Variants in ITPR2 observed in about 807,000 individuals in gnomAD.
ITPR2 encodes the protein inositol 1,4,5-trisphosphate receptor type 2.
Under a neutral mutation model 317.1 loss-of-function variants are expected in ITPR2, and 207 were observed. The observed-to-expected ratio is 0.65, with a 90% CI of 0.58 to 0.73. ITPR2 has a LOEUF of 0.73. Ranked by LOEUF, ITPR2 falls within the 30% of genes least tolerant of loss-of-function variation. ITPR2 has a pLI of 0.00. For synonymous variants in ITPR2, 1,156 were observed against 1,149.1 expected (o/e 1.01, Z -0.12); for missense variants, 2,613 against 3,284.0 (o/e 0.80, Z 4.99).
chr12:26,790,132 T>C (rs770317895), intron 2 of ITPR2, 25 bp downstream of exon 2: 4 of 1,523,516 alleles, frequency 2.6e-6, no homozygotes, highest in Non-Finnish European at 3.6e-6. Flanking sequence ...GCTCACACAA[T>C]TAAAAAAATA....
chr12:26,664,482 T>C (rs77467573), intron 14 of ITPR2, among the ~76,000 whole-genome samples: 1 of 152,200 alleles, frequency 6.6e-6, no homozygotes. Context: ...TTAAAAAGCA[T>C]TGAGGAATAT....
At chr12:26,428,414 C>T (rs1156727688) in intron 48 of ITPR2, among the ~76,000 whole-genome samples, 1 of 152,046 alleles carries the variant, frequency 6.6e-6, no homozygotes, top group African/African-American at 2.4e-5. Context: ...CTCTCGGGAA[C>T]CTTAATCCAA....
chr12:26,790,574 T>C (rs1290887632), intron 1 of ITPR2, among the ~76,000 whole-genome samples: 1 of 113,546 alleles, frequency 8.8e-6, no homozygotes. Context: ...ATCAATAAGA[T>C]ACATATATGC....
At chr12:26,461,248 T>A (rs1489821427) in intron 45 of ITPR2, among the ~76,000 whole-genome samples, 1 of 152,122 alleles carries the variant, frequency 6.6e-6, no homozygotes. Context: ...TGAAAAATAT[T>A]TAAAAATAAA....
intron 52 of ITPR2, among the ~76,000 whole-genome samples, chr12:26,402,873 C>T (rs918378532): frequency 1.3e-5 from 2 of 152,194 alleles, no homozygotes; most frequent in Non-Finnish European, 2.9e-5. Context: ...GCCCATGCCA[C>T]ACCTGCCTCC....
intron 10 of ITPR2, among the ~76,000 whole-genome samples, chr12:26,690,417 T>C (rs1948214751): frequency 1.3e-5 from 2 of 152,194 alleles, no homozygotes; most frequent in Non-Finnish European, 2.9e-5. Flanking sequence ...TGTCATCTAA[T>C]TTCCTGAGTC....
At chr12:26,382,373 T>G (rs1939533903) in intron 55 of ITPR2, among the ~76,000 whole-genome samples, 1 of 152,138 alleles carries the variant, frequency 6.6e-6, no homozygotes, top group Non-Finnish European at 1.5e-5. Flanking sequence ...GGTTTAGAAT[T>G]TGAAGGTAAG....
intron 1 of ITPR2, among the ~76,000 whole-genome samples, chr12:26,811,773 G>T (rs199528310): frequency 6.9e-6 from 1 of 145,716 alleles, no homozygotes; most frequent in African/African-American, 2.6e-5. Flanking sequence ...AGAATGGCGC[G>T]AACCCCGGAG....
At chr12:26,574,181 T>C (rs867468085) in intron 34 of ITPR2, among the ~76,000 whole-genome samples, 105 of 151,430 alleles carry the variant, frequency 6.9e-4, no homozygotes, top group African/African-American at 2.3e-3. Flanking sequence ...GCAGCTGCCA[T>C]ATATGAGTTA....
chr12:26,402,471 T>C (rs1254659271), intron 52 of ITPR2, among the ~76,000 whole-genome samples: 1 of 152,170 alleles, frequency 6.6e-6, no homozygotes, highest in African/African-American at 2.4e-5. Flanking sequence ...CTCCGAGAAT[T>C]TAGAAATAAG....
At chr12:26,773,990 T>C in intron 2 of ITPR2, among the ~76,000 whole-genome samples, 1 of 139,302 alleles carries the variant, frequency 7.2e-6, no homozygotes, top group South Asian at 2.3e-4. Flanking sequence ...AATTTTTTTT[T>C]TTTTTTTTTT....
chr12:26,663,629 G>A, intron 15 of ITPR2, 56 bp downstream of exon 15: 1 of 1,452,158 alleles, frequency 6.9e-7, no homozygotes, highest in Non-Finnish European at 9.2e-7. Flanking sequence ...TATAACCAAA[G>A]AACCTTGCCC....
At position 26,463,388 on chromosome 12, in the gene ITPR2, C is replaced by T. The variant is rs752441930; in HGVS notation, c.6342+11908G>A. 4.6e-5 allele frequency among the ~76,000 whole-genome samples: 7 copies of T among 152,078 alleles called. No individual in the cohort carries two copies. In the East Asian group the frequency reaches 9.7e-4, roughly 21 times the overall value. On this transcript the variant is annotated intron_variant, in intron 45 of 56. Transcript: ENST00000381340. ...AGAGGTAAGAACTGAGTACTCTGGCCGGGCTCGGTGGCTCACGCCTGTAAT... is the reference window on the plus strand; with the variant it reads ...AGAGGTAAGAACTGAGTACTCTGGCTGGGCTCGGTGGCTCACGCCTGTAAT...
chr12:26,658,990 C>A (rs1376542320), intron 16 of ITPR2, 123 bp downstream of exon 16: 3 of 682,048 alleles, frequency 4.4e-6, no homozygotes, highest in Non-Finnish European at 4.9e-6. Flanking sequence ...TAGCAATAAG[C>A]CCAACATAGT....
chr12:26,600,696 T>C (rs1945977422), intron 28 of ITPR2, among the ~76,000 whole-genome samples: 2 of 147,786 alleles, frequency 1.4e-5, no homozygotes, highest in African/African-American at 5.0e-5. Flanking sequence ...CCATCTCCTC[T>C]CTTCTTTTCC....
chr12:26,473,169 G>T (rs1432659972), intron 45 of ITPR2, among the ~76,000 whole-genome samples: 1 of 152,186 alleles, frequency 6.6e-6, no homozygotes, highest in Admixed American at 6.5e-5. Context: ...TTACAGGCGT[G>T]AGCCATTGCA....
intron 48 of ITPR2, among the ~76,000 whole-genome samples, chr12:26,429,608 C>T (rs1196147191): frequency 5.3e-5 from 8 of 152,172 alleles, no homozygotes; most frequent in Non-Finnish European, 1.2e-4. Flanking sequence ...CTTGAGACTC[C>T]ACCAGGATGT....
chr12:26,454,814 C>T (rs1342872867), intron 45 of ITPR2, among the ~76,000 whole-genome samples: 2 of 152,054 alleles, frequency 1.3e-5, no homozygotes, highest in Non-Finnish European at 2.9e-5. Flanking sequence ...GTAGCACGTT[C>T]AAGTCGTTTG....
chr12:26,595,503 A>C lies in ITPR2; in HGVS notation c.4342T>G (p.Trp1448Gly). Residue 1448 changes from tryptophan to glycine, a missense_variant, in exon 32 of 57, where the codon TGG (tryptophan) becomes GGG (glycine). Trp to Gly is a radical substitution (Grantham distance 184). Transcript: ENST00000381340. ...MKEIYTSNHIWKLFENFLVDM... is the reference protein window; with the variant it reads ...MKEIYTSNHIGKLFENFLVDM... ...ACCAAGAAGTTCTCAAATAATTTCCAAATGTGGTTACTTGTATAGATTTCT... is the reference window on the plus strand; with the variant it reads ...ACCAAGAAGTTCTCAAATAATTTCCCAATGTGGTTACTTGTATAGATTTCT... 6.2e-7 allele frequency: 1 copy of C among 1,608,506 alleles called. No individual in the cohort carries two copies. Among genetic ancestry groups the C allele is most frequent in the Non-Finnish European group, 8.5e-7 (1 of 1,178,498 alleles).
Sources: gnomAD v4.1 joint callset for allele counts (sites outside exome capture counted in the v4.1 genomes callset) on GRCh38, gnomAD v4.1.1 for gene constraint, MANE v1.5 for transcripts, NCBI Gene and HGNC (gene_info 2026-07-23, HGNC 2026-07-21) for gene names.